PIEZO2: variants seen among roughly 807,000 people sequenced by gnomAD.
PIEZO2 encodes piezo-type mechanosensitive ion channel component 2.
A neutral mutation model predicts 337.3 loss-of-function variants in PIEZO2; 172 were observed. That is an observed-to-expected ratio of 0.51 (90% CI 0.45 to 0.58). The LOEUF is 0.58. Among genes scored for constraint, PIEZO2 ranks in the 20% least tolerant of loss-of-function variants. PIEZO2 has a pLI of 0.00. For missense variants in PIEZO2, 3,028 were observed against 3,391.3 expected (o/e 0.89, Z 2.66); for synonymous variants, 1,251 against 1,228.5 (o/e 1.02, Z -0.38).
intron 3 of PIEZO2, among the ~76,000 whole-genome samples, chr18:10,931,731 AG>A (rs2032101633): frequency 1.3e-5 from 2 of 151,684 alleles, no homozygotes; most frequent in Non-Finnish European, 2.9e-5. Context: ...AGAGAGAGAG[AG>A]AGAGAGAGAG....
chr18:11,137,901 A>T (rs2040536850), intron 1 of PIEZO2, among the ~76,000 whole-genome samples: 1 of 152,186 alleles, frequency 6.6e-6, no homozygotes, highest in Admixed American at 6.5e-5. Flanking sequence ...AATAATATGC[A>T]TTTCAAGGAT....
chr18:10,892,880 AT>A (rs1184143809), intron 4 of PIEZO2, among the ~76,000 whole-genome samples: 1 of 152,262 alleles, frequency 6.6e-6, no homozygotes, highest in Non-Finnish European at 1.5e-5. Flanking sequence ...GCTGTTGAAA[AT>A]AACAGAAATT....
intron 4 of PIEZO2, among the ~76,000 whole-genome samples, chr18:10,886,511 T>TATATATA (rs2042613445): frequency 1.0e-4 from 12 of 118,346 alleles, no homozygotes; most frequent in East Asian, 2.3e-4. Flanking sequence ...CATATACACA[T>TATATATA]TATATATATA....
At chr18:10,836,606 A>G (rs966938816) in intron 7 of PIEZO2, among the ~76,000 whole-genome samples, 3 of 152,258 alleles carry the variant, frequency 2.0e-5, no homozygotes, top group Non-Finnish European at 4.4e-5. Context: ...AAACATATAA[A>G]GTCACACCAT....
At chr18:10,681,610 C>T (rs1331201652) in intron 51 of PIEZO2, 51 bp downstream of exon 51, 2 of 1,419,784 alleles carry the variant, frequency 1.4e-6, no homozygotes, top group Non-Finnish European at 2.0e-6. Flanking sequence ...AATGAGTGAA[C>T]TTCCCTAGAT....
At chr18:11,013,066 A>G (rs1360182233) in intron 2 of PIEZO2, among the ~76,000 whole-genome samples, 1 of 152,162 alleles carries the variant, frequency 6.6e-6, no homozygotes, top group East Asian at 1.9e-4. Context: ...ATTTATTCTA[A>G]AATTTTCACA....
At chr18:10,930,789 A>G (rs1001572866) in intron 3 of PIEZO2, among the ~76,000 whole-genome samples, 1 of 152,184 alleles carries the variant, frequency 6.6e-6, no homozygotes, top group African/African-American at 2.4e-5. Flanking sequence ...TTAAAGATAA[A>G]TTTTTTTGAA....
At position 10,762,592 on chromosome 18, in the gene PIEZO2, C is replaced by A; in HGVS notation, c.3157G>T (p.Glu1053Ter). 1 of 1,537,334 alleles carries A rather than the reference C, an allele frequency of 6.5e-7. No individual in the cohort carries two copies. The highest frequency in any genetic ancestry group is 8.7e-7 in the Non-Finnish European group (1 of 1,146,912). ...NENQTNIPFN[E>*]LNKSLLYSAP... ...CTGTAGAGCAGAGACTTGTTCAACT[C>A]ATTAAAGGGGATGTTTGTTTGATTT... Residue 1053 changes from glutamate (E) to a stop codon, truncating the protein, a stop_gained, in exon 23 of 56, where the codon GAG becomes TAG. Transcript: ENST00000674853. LOFTEE classifies it high-confidence loss of function.
At chr18:10,788,865 A>G (rs2039317989) in intron 15 of PIEZO2, among the ~76,000 whole-genome samples, 1 of 152,234 alleles carries the variant, frequency 6.6e-6, no homozygotes, top group Non-Finnish European at 1.5e-5. Context: ...AATTACAGGC[A>G]TGAGCCACTG....
At chr18:10,965,155 G>T (rs909018035) in intron 3 of PIEZO2, among the ~76,000 whole-genome samples, 1 of 152,070 alleles carries the variant, frequency 6.6e-6, no homozygotes, top group Admixed American at 6.6e-5. Context: ...TTATGGCTGA[G>T]TGAAATTGTT....
chr18:10,764,054 A>G (rs1300695986), intron 21 of PIEZO2, among the ~76,000 whole-genome samples: 2 of 152,130 alleles, frequency 1.3e-5, no homozygotes, highest in Non-Finnish European at 2.9e-5. Context: ...GAACCTGTTG[A>G]CTTTGGGCTG....
Position 11,111,074 on chromosome 18 carries a change from T to C in PIEZO2, c.64+37451A>G, listed in dbSNP as rs1381367197. 6.6e-6 allele frequency among the ~76,000 whole-genome samples: 1 copy of C among 152,108 alleles called. No homozygotes were observed. Among genetic ancestry groups the C allele is most frequent in the East Asian group, 1.9e-4 (1 of 5,186 alleles). Reference sequence around the variant, plus strand: ...CAGGGCAGAGGACAGACAGGGAGCCTCCCCAAGCACTAGGGAGGTGCCTGC... The same window carrying C: ...CAGGGCAGAGGACAGACAGGGAGCCCCCCCAAGCACTAGGGAGGTGCCTGC... On this transcript the variant is annotated intron_variant, in intron 1 of 55. Coordinates refer to ENST00000674853, the MANE Select transcript of PIEZO2 (RefSeq NM_001378183.1). This position sits in a 1 kb window ranked among gnomAD's most constrained non-coding sequence, Gnocchi z 6.2.
At position 10,862,452 on chromosome 18, in the gene PIEZO2, T is replaced by C. The variant is rs1191857046; in HGVS notation, c.493-5241A>G. Among the ~76,000 whole-genome samples the C allele has an allele frequency of 1.3e-5, 2 of 152,194 alleles. No homozygotes were observed. Among genetic ancestry groups the C allele is most frequent in the Non-Finnish European group, 2.9e-5 (2 of 68,038 alleles). On this transcript the variant is annotated intron_variant, in intron 5 of 55. Transcript: ENST00000674853. The surrounding 1 kb of genome is among the most constrained non-coding windows in gnomAD (Gnocchi z 4.4). ...GACGGGATCTAAACCTTTGCGTCTC[T>C]GCATCTCATCCCACAACATCCTCTC...
chr18:10,910,276 AGGTGGTTTAGAAACT>A (rs1481160488), intron 4 of PIEZO2, among the ~76,000 whole-genome samples: 1 of 152,350 alleles, frequency 6.6e-6, no homozygotes, highest in African/African-American at 2.4e-5. Flanking sequence ...ATTCCAAGGT[AGGTGGTTTAGAAACT>A]GCATTGACCA....
intron 3 of PIEZO2, among the ~76,000 whole-genome samples, chr18:10,921,869 G>T (rs547575864): frequency 5.3e-5 from 8 of 152,212 alleles, no homozygotes; most frequent in South Asian, 4.1e-4. Flanking sequence ...GGTCGAGACT[G>T]TAGGGATGAA....
chr18:10,688,627 T>G (rs754519919), intron 49 of PIEZO2, among the ~76,000 whole-genome samples: 3 of 152,202 alleles, frequency 2.0e-5, no homozygotes, highest in Non-Finnish European at 2.9e-5. Context: ...CTGTTTTTCT[T>G]AAGTCTCACA....
Position 10,909,928 on chromosome 18 carries a change from T to C in PIEZO2, c.329+1258A>G, listed in dbSNP as rs533581539. 5.8e-4 allele frequency among the ~76,000 whole-genome samples: 88 copies of C among 152,290 alleles called. 1 individual carries two copies. Among genetic ancestry groups the C allele is most frequent in the African/African-American group, 1.9e-3 (80 of 41,556 alleles). On this transcript the variant is annotated intron_variant, in intron 4 of 55. Transcript: ENST00000674853. ...AACAGCGATGGTGCTGATGTAGGTG[T>C]TGGTAGGGAAATAAATCATCTTTGA...
At position 10,726,445 on chromosome 18, in the gene PIEZO2, G is replaced by A. The variant is rs567112406; in HGVS notation, c.5029+4962C>T. On this transcript the variant is annotated intron_variant, in intron 36 of 55. Transcript: ENST00000674853. The surrounding 1 kb of genome is among the most constrained non-coding windows in gnomAD (Gnocchi z 5.9). Reference sequence around the variant, plus strand: ...GAGGGCCGGCTGCGGTACGGGCTACGGCCGGCGAACCCCACGAGGAGGGCC... The same window carrying A: ...GAGGGCCGGCTGCGGTACGGGCTACAGCCGGCGAACCCCACGAGGAGGGCC... 3 of 1,529,998 alleles carry A rather than the reference G, an allele frequency of 2.0e-6. No homozygotes were observed. Among genetic ancestry groups the A allele is most frequent in the Admixed American group, 2.0e-5 (1 of 50,498 alleles). The allele number at this position is 1,529,998 out of a possible 1,614,324, so 94.8% of individuals were successfully genotyped here. A position where few individuals can be genotyped will look rare whatever the true frequency, so the allele number is the denominator to read the frequency against.
At chr18:11,119,293 C>T (rs550973421) in intron 1 of PIEZO2, among the ~76,000 whole-genome samples, 1 of 151,978 alleles carries the variant, frequency 6.6e-6, no homozygotes, top group Non-Finnish European at 1.5e-5. Flanking sequence ...GACTACAGGC[C>T]CATGCCCAGC....
Sources: allele counts gnomAD v4.1 joint callset (sites outside exome capture counted in the v4.1 genomes callset), GRCh38; gene constraint gnomAD v4.1.1; non-coding constraint Gnocchi (gnomAD v3.1); transcripts MANE v1.5; gene names NCBI Gene and HGNC (gene_info 2026-07-23, HGNC 2026-07-21).